The following CFAP57 variants were observed in gnomAD, a reference collection of about 807,000 sequenced individuals.
The protein encoded by CFAP57 is cilia- and flagella-associated protein 57.
In CFAP57, 116 loss-of-function variants were observed where a neutral mutation model predicts 146.8. That is an observed-to-expected ratio of 0.79 (90% CI 0.68 to 0.92). CFAP57 has a LOEUF of 0.92. Among genes scored for constraint, CFAP57 ranks in the 40% least tolerant of loss-of-function variants. CFAP57 has a pLI of 0.00. For missense variants in CFAP57, 1,377 were observed against 1,527.2 expected, an observed-to-expected ratio of 0.90 and a Z score of 1.64; for synonymous variants, 518 against 552.8, an observed-to-expected ratio of 0.94 and a Z score of 0.88.
intron 6 of CFAP57, among the ~76,000 whole-genome samples, chr1:43,197,348 C>G (rs1354162603): frequency 1.3e-5 from 2 of 152,060 alleles, no homozygotes; most frequent in Admixed American, 1.3e-4. Context: ...CAGAGCGAGA[C>G]TCCATCTCAA....
chr1:43,234,311 T>A lies in CFAP57; in HGVS notation c.3159T>A (p.Phe1053Leu). The A allele has an allele frequency of 6.5e-7, 1 of 1,549,414 alleles. No individual in the cohort carries two copies. The highest frequency in any genetic ancestry group is 8.7e-7 in the Non-Finnish European group (1 of 1,146,674). The change falls in exon 20 of 23, where the codon TTT becomes TTA. Residue 1053 changes from phenylalanine to leucine, a missense_variant. Physicochemically the swap from Phe to Leu is conservative, Grantham distance 22 (BLOSUM62 0). Transcript: ENST00000372492. ...ACTTGGAAGCGCTGGTCAAAAGGTTTAAAACAGACCTCCACAACTGCGTAG... is the reference window on the plus strand; with the variant it reads ...ACTTGGAAGCGCTGGTCAAAAGGTTAAAAACAGACCTCCACAACTGCGTAG... ...ERDLEALVKR[F>L]KTDLHNCVAY...
intron 11 of CFAP57, among the ~76,000 whole-genome samples, chr1:43,213,628 C>T (rs1644719182): frequency 6.6e-6 from 1 of 152,022 alleles, no homozygotes; most frequent in African/African-American, 2.4e-5. Context: ...GAGAAGTCTA[C>T]ATACTGTTTT....
intron 16 of CFAP57, among the ~76,000 whole-genome samples, chr1:43,223,504 C>T (rs955055952): frequency 6.6e-6 from 1 of 152,136 alleles, no homozygotes; most frequent in Non-Finnish European, 1.5e-5. Flanking sequence ...TTAGTTCACT[C>T]ACCATCAGGG....
intron 22 of CFAP57, among the ~76,000 whole-genome samples, chr1:43,250,672 C>T (rs1646301796): frequency 6.6e-6 from 1 of 152,174 alleles, no homozygotes; most frequent in African/African-American, 2.4e-5. Flanking sequence ...CTGAAACAGC[C>T]AGAGTGCACC....
intron 13 of CFAP57, 53 bp downstream of exon 13, chr1:43,219,590 C>T: frequency 6.5e-7 from 1 of 1,542,600 alleles, no homozygotes; most frequent in Middle Eastern, 1.7e-4. Flanking sequence ...TTTCCACTTT[C>T]AAGACAGGAC....
At chr1:43,235,023 C>T (rs148583021) in intron 21 of CFAP57, among the ~76,000 whole-genome samples, 1 of 152,280 alleles carries the variant, frequency 6.6e-6, no homozygotes, top group East Asian at 1.9e-4. Context: ...CTTACCTCTC[C>T]TGAGCCACTT....
chr1:43,181,172 A>G (rs749463680), intron 2 of CFAP57, among the ~76,000 whole-genome samples: 21 of 152,130 alleles, frequency 1.4e-4, no homozygotes, highest in Non-Finnish European at 2.8e-4. Flanking sequence ...CCCAGGTTCA[A>G]GTGATTCTCC....
intron 16 of CFAP57, 49 bp from the exon 17 acceptor site, chr1:43,223,997 G>T (rs770068205): frequency 6.5e-7 from 1 of 1,545,794 alleles, no homozygotes; most frequent in South Asian, 1.2e-5. Context: ...GAGGGATGGA[G>T]ATGAGTTCTG....
In CFAP57 at chr1:43,213,521, G is replaced by A. The variant is rs558605740; in HGVS notation, c.1930-1734G>A. ...ATAAATATGGGGGGGGCGGTGGAGCGCAGGTATCCTTTCAATCTGCTGATT... is the reference window on the plus strand; with the variant it reads ...ATAAATATGGGGGGGGCGGTGGAGCACAGGTATCCTTTCAATCTGCTGATT... On this transcript the variant is annotated intron_variant, in intron 11 of 22. Transcript: ENST00000372492. Among the ~76,000 whole-genome samples the A allele has an allele frequency of 1.2e-4, 18 of 151,246 alleles. No individual in the cohort carries two copies. In the South Asian group the frequency reaches 1.3e-3, roughly 11 times the overall value.
Position 43,206,816 on chromosome 1 carries a change from GAGAC to G in CFAP57, c.1643_1646del (p.Thr548AsnfsTer37), listed in dbSNP as rs775665194. On this transcript the variant is annotated frameshift_variant, in exon 10 of 23. Coordinates refer to ENST00000372492, the MANE Select transcript of CFAP57 (RefSeq NM_001378189.1). LOFTEE classifies it high-confidence loss of function. ...ATGGAATCTGTCCACAGGAAAGAGA[GAGAC>G]AGAATGCGTGCTCAAGTCTTGCAGC... The G allele has an allele frequency of 1.2e-6, 2 of 1,614,174 alleles. No homozygotes were observed. Among genetic ancestry groups the G allele is most frequent in the Middle Eastern group, 3.3e-4 (2 of 6,062 alleles).
Position 43,222,980 on chromosome 1 carries a change from G to A in CFAP57, c.2689G>A (p.Gly897Ser), listed in dbSNP as rs1380496073. The A allele has an allele frequency of 6.5e-6, 10 of 1,549,376 alleles. No homozygotes were observed. The South Asian group carries it at 1.1e-4, about 17-fold the overall frequency. The change falls in exon 16 of 23, where the codon GGC (glycine) becomes AGC (serine). Residue 897 changes from glycine (G) to serine (S), a missense_variant. Coordinates refer to ENST00000372492, the MANE Select transcript of CFAP57 (RefSeq NM_001378189.1). ...AAACCTGCGGCTCAAGGGAGAAACA[G>A]GCATCATGAGGAAGAAGGTAGCAGG... ...ESNLRLKGET[G>S]IMRKKFSSLQ...
intron 19 of CFAP57, among the ~76,000 whole-genome samples, chr1:43,233,171 C>T (rs1484922922): frequency 2.0e-5 from 3 of 152,198 alleles, no homozygotes; most frequent in Non-Finnish European, 1.5e-5. Context: ...TAGCACAGGC[C>T]ACTCCTTAAC....
intron 2 of CFAP57, among the ~76,000 whole-genome samples, chr1:43,180,226 T>TGAG (rs907894103): frequency 1.4e-5 from 2 of 143,304 alleles, no homozygotes; most frequent in Admixed American, 7.4e-5. Flanking sequence ...ATATATTTTA[T>TGAG]ATATATATAT....
intron 3 of CFAP57, 56 bp downstream of exon 3, chr1:43,181,906 A>T: frequency 1.3e-6 from 2 of 1,580,130 alleles, no homozygotes; most frequent in South Asian, 2.2e-5. Flanking sequence ...ACTACTTTTT[A>T]TTGAATGTTT....
chr1:43,180,870 T>C (rs1165029045), intron 2 of CFAP57, among the ~76,000 whole-genome samples: 1 of 152,208 alleles, frequency 6.6e-6, no homozygotes, highest in African/African-American at 2.4e-5. Flanking sequence ...GGCCCATCTT[T>C]GGTCACCCCA....
chr1:43,239,232 GTGAA>G (rs4019214), intron 21 of CFAP57, among the ~76,000 whole-genome samples: 3 of 151,676 alleles, frequency 2.0e-5, no homozygotes, highest in Non-Finnish European at 2.9e-5. Context: ...ACATGAATAC[GTGAA>G]TGAATGAATG....
Position 43,201,094 on chromosome 1 carries a change from GA to G in CFAP57, c.1542+1592del, listed in dbSNP as rs1644102988. ...CCCAGAAGTGTGATGTATGTGTGTGGAGGTCAGGAGAGAAGTCAGGGCTGAG... is the reference window on the plus strand; with the variant it reads ...CCCAGAAGTGTGATGTATGTGTGTGGGGTCAGGAGAGAAGTCAGGGCTGAG... On this transcript the variant is annotated intron_variant, in intron 9 of 22. Transcript: ENST00000372492. The surrounding 1 kb of genome is among the most constrained non-coding windows in gnomAD (Gnocchi z 4.4). 6.6e-6 allele frequency among the ~76,000 whole-genome samples: 1 copy of G among 152,134 alleles called. No individual in the cohort carries two copies. The highest frequency in any genetic ancestry group is 1.5e-5 in the Non-Finnish European group (1 of 68,020).
chr1:43,228,764 G>A (rs11210816), intron 18 of CFAP57, among the ~76,000 whole-genome samples: 9,793 of 148,934 alleles, frequency 0.066, 1,375 homozygotes, highest in South Asian at 0.2. Flanking sequence ...CTTTAGAAGG[G>A]ATAATTTATG....
intron 22 of CFAP57, among the ~76,000 whole-genome samples, chr1:43,249,846 C>T (rs1292578609): frequency 6.6e-6 from 1 of 152,012 alleles, no homozygotes; most frequent in Non-Finnish European, 1.5e-5. Flanking sequence ...GAAGATTCAC[C>T]TAACAACATT....
Sources: allele counts gnomAD v4.1 joint callset (sites outside exome capture counted in the v4.1 genomes callset), GRCh38; gene constraint gnomAD v4.1.1; non-coding constraint Gnocchi (gnomAD v3.1); transcripts MANE v1.5; gene names NCBI Gene and HGNC (gene_info 2026-07-23, HGNC 2026-07-21).